PCDH19: variants seen among roughly 807,000 people sequenced by gnomAD.
The protein encoded by PCDH19 is protocadherin-19.
A neutral mutation model predicts 46.2 loss-of-function variants in PCDH19; 6 were observed. The observed-to-expected ratio is 0.13, with a 90% confidence interval of 0.07 to 0.26. The LOEUF is 0.26. Among genes scored for constraint, PCDH19 ranks in the 10% least tolerant of loss-of-function variants. The pLI is 1.00. For synonymous variants in PCDH19, 481 were observed against 415.7 expected (o/e 1.16, Z -1.91); for missense variants, 740 against 972.3 (o/e 0.76, Z 3.18).
chrX:100,361,935 C>A (rs188121076), intron 3 of PCDH19, among the ~76,000 whole-genome samples: 2 of 111,871 alleles, frequency 1.8e-5, no homozygotes, highest in African/African-American at 3.3e-5. Flanking sequence ...ACAACCAGAG[C>A]AATTTCCTCC....
At chrX:100,403,891 A>C (rs767439376) in intron 1 of PCDH19, among the ~76,000 whole-genome samples, 1 of 112,475 alleles carries the variant, frequency 8.9e-6, no homozygotes, top group Admixed American at 9.4e-5. Flanking sequence ...ATAATGATTC[A>C]GTTTCTTTTT....
At chrX:100,353,883 G>A (rs895335543) in intron 3 of PCDH19, among the ~76,000 whole-genome samples, 1 of 111,590 alleles carries the variant, frequency 9.0e-6, no homozygotes, top group Non-Finnish European at 1.9e-5. Flanking sequence ...AATTAGTAGC[G>A]CTAGTCAATG....
intron 3 of PCDH19, among the ~76,000 whole-genome samples, chrX:100,383,360 T>C (rs1250646523): frequency 8.9e-6 from 1 of 112,058 alleles, no homozygotes; most frequent in Middle Eastern, 4.2e-3. Context: ...AACTATTACA[T>C]GAACACTCAA....
intron 3 of PCDH19, among the ~76,000 whole-genome samples, chrX:100,392,442 T>C (rs766604807): frequency 8.9e-6 from 1 of 112,116 alleles, no homozygotes; most frequent in Non-Finnish European, 1.9e-5. Flanking sequence ...CATAAAATTA[T>C]TTTGCAATTT....
At chrX:100,320,583 C>T (rs1925443990) in intron 5 of PCDH19, among the ~76,000 whole-genome samples, 1 of 111,313 alleles carries the variant, frequency 9.0e-6, no homozygotes, top group Non-Finnish European at 1.9e-5. Context: ...TATAGTACCA[C>T]AAAGAACTAA....
rs762855456 is a variant in PCDH19 at position 100,408,419 on chromosome X, G to A, written c.179C>T (p.Ala60Val). The change falls in exon 1 of 6, where the codon GCC becomes GTC. Residue 60 changes from alanine to valine, a missense_variant. By Grantham distance (64) the Ala-to-Val change is moderately conservative. Around this residue, in one of 5 missense-constraint regions of PCDH19, gnomAD observed 81 missense variants for 96.5 expected, o/e 0.84. Coordinates refer to ENST00000373034, the MANE Select transcript of PCDH19 (RefSeq NM_001184880.2). ...GFALDPRQAS[A>V]FRVVSNSAPH... ...AGCCGAGTTGGACACCACGCGAAAG[G>A]CTGAAGCCTGCCGGGGGTCCAGCGC... 1 of 1,206,472 alleles carries A rather than the reference G, an allele frequency of 8.3e-7. No homozygotes were observed. Among genetic ancestry groups the A allele is most frequent in the Non-Finnish European group, 1.1e-6 (1 of 894,409 alleles).
chrX:100,312,941 G>A (rs988120963), intron 5 of PCDH19, among the ~76,000 whole-genome samples: 1 of 110,842 alleles, frequency 9.0e-6, no homozygotes, highest in Non-Finnish European at 1.9e-5. Context: ...ACACAGCTCT[G>A]TAAAAATCTC....
At chrX:100,344,799 G>A (rs1358563425) in intron 4 of PCDH19, among the ~76,000 whole-genome samples, 1 of 102,405 alleles carries the variant, frequency 9.8e-6, no homozygotes, top group Non-Finnish European at 2.0e-5. Flanking sequence ...TGTTGTGGCC[G>A]TCCTGTGCAT....
At chrX:100,334,575 G>A (rs1003651580) in intron 5 of PCDH19, among the ~76,000 whole-genome samples, 7 of 110,844 alleles carry the variant, frequency 6.3e-5, no homozygotes, top group Non-Finnish European at 1.3e-4. Flanking sequence ...GCAAGGAGGA[G>A]CCAGACCCTG....
intron 5 of PCDH19, among the ~76,000 whole-genome samples, chrX:100,332,329 C>A (rs1246900835): frequency 1.8e-5 from 2 of 111,310 alleles, no homozygotes; most frequent in African/African-American, 6.5e-5. Context: ...CGAGACCAGC[C>A]TGGCCAACGT....
At chrX:100,380,494 C>T (rs1231973742) in intron 3 of PCDH19, among the ~76,000 whole-genome samples, 1 of 111,520 alleles carries the variant, frequency 9.0e-6, no homozygotes, top group African/African-American at 3.3e-5. Flanking sequence ...TAGCCATTAT[C>T]TAGAACAACA....
At chrX:100,321,917 G>A (rs1377754560) in intron 5 of PCDH19, among the ~76,000 whole-genome samples, 1 of 105,055 alleles carries the variant, frequency 9.5e-6, no homozygotes, top group Non-Finnish European at 1.9e-5. Context: ...AGCCTCCTGA[G>A]TAGCTGGGAC....
intron 4 of PCDH19, 68 bp from the exon 5 acceptor site, chrX:100,342,143 G>T: frequency 5.1e-6 from 5 of 986,218 alleles, no homozygotes; most frequent in Non-Finnish European, 5.8e-6. Flanking sequence ...TTCTGAGCCA[G>T]GATGATGTCG....
chrX:100,341,288 A>G (rs1300985402), intron 5 of PCDH19, among the ~76,000 whole-genome samples: 1 of 111,796 alleles, frequency 8.9e-6, no homozygotes, highest in Non-Finnish European at 1.9e-5. Context: ...GGAATATTTT[A>G]CATTGACTCA....
intron 3 of PCDH19, among the ~76,000 whole-genome samples, chrX:100,353,999 G>A (rs898949576): frequency 4.5e-5 from 5 of 111,752 alleles, no homozygotes; most frequent in African/African-American, 1.3e-4. Context: ...TGAGGCAGTT[G>A]GGTTACAGTT....
intron 4 of PCDH19, among the ~76,000 whole-genome samples, chrX:100,346,230 TAC>T (rs1335406781): frequency 8.9e-6 from 1 of 112,182 alleles, no homozygotes; most frequent in Admixed American, 9.4e-5. Flanking sequence ...GACCCATATT[TAC>T]CATCTGAAAT....
chrX:100,406,923 TGTC>T lies in PCDH19; in HGVS notation c.1672_1674del (p.Asp558del). On this transcript the variant is annotated inframe_deletion, in exon 1 of 6. Coordinates refer to ENST00000373034, the MANE Select transcript of PCDH19 (RefSeq NM_001184880.2). ...GGTGGGGCTGTGATGACCGGGGTGT[TGTC>T]GTTGACGTCGAGGATGATGACCCGC... 1.7e-6 allele frequency: 2 copies of T among 1,211,811 alleles called. No homozygotes were observed. The highest frequency in any genetic ancestry group is 1.8e-5 in the South Asian group (1 of 57,004).
chrX:100,330,216 A>G (rs1376068613), intron 5 of PCDH19, among the ~76,000 whole-genome samples: 1 of 112,295 alleles, frequency 8.9e-6, no homozygotes. Context: ...GAACAGTTTG[A>G]CCAGCCTAAA....
intron 2 of PCDH19, 49 bp from the exon 3 acceptor site, chrX:100,402,900 T>C (rs1205737909): frequency 2.0e-6 from 2 of 1,000,941 alleles, no homozygotes; most frequent in Admixed American, 2.2e-5. Flanking sequence ...TCCCAAATCA[T>C]GCACTGATTA....
Sources: gnomAD v4.1 joint callset for allele counts (sites outside exome capture counted in the v4.1 genomes callset) on GRCh38, gnomAD v4.1.1 for gene constraint, gnomAD v4.1.1 regional missense constraint, MANE v1.5 for transcripts, NCBI Gene and HGNC (gene_info 2026-07-23, HGNC 2026-07-21) for gene names.